Variants in GABRA2 observed in about 807,000 individuals in gnomAD.
GABRA2 encodes the protein gamma-aminobutyric acid receptor subunit alpha-2.
A neutral mutation model predicts 48.7 loss-of-function variants in GABRA2; 16 were observed. The ratio of observed to expected loss-of-function variants is 0.33; its 90% confidence interval spans 0.22 to 0.50. The LOEUF (loss-of-function observed/expected upper bound fraction) is 0.50, where lower values mean the gene tolerates loss of function less well. Among genes scored for constraint, GABRA2 ranks in the 20% least tolerant of loss-of-function variants. GABRA2 has a pLI of 0.98. For synonymous variants in GABRA2, 185 were observed against 184.5 expected (o/e 1.00, Z -0.02); for missense variants, 275 against 535.6 (o/e 0.51, Z 4.80).
rs114587272 is a variant in GABRA2, at chr4:46,344,061, T to C, written c.188-11379A>G. 8.7e-3 allele frequency among the ~76,000 whole-genome samples: 1,324 copies of C among 152,074 alleles called. 17 individuals are homozygous for C. The highest frequency in any genetic ancestry group is 0.03 in the African/African-American group (1,259 of 41,508). On this transcript the variant is annotated intron_variant, in intron 3 of 9. Transcript: ENST00000381620. ...TGCTAGCTATTACTAGTGTTACTAT[T>C]ATAATTGGAGTCCAAAAAGTAGATG...
rs544835369 is a variant in GABRA2, at chr4:46,251,679, T to C, written c.1060-1075A>G. Among the ~76,000 whole-genome samples, 22 of 151,584 alleles carry C rather than the reference T, an allele frequency of 1.5e-4. No homozygotes were observed. The South Asian group carries it at 4.4e-3, about 30-fold the overall frequency. On this transcript the variant is annotated intron_variant, in intron 9 of 9. Transcript: ENST00000381620. ...CTAAACATCTCTTTGCTCCCATATA[T>C]GCTCATTCATAACACTCTAATTTGT... is the stretch of plus-strand genomic sequence containing the variant.
At chr4:46,318,580 G>T (rs1248167363) in intron 4 of GABRA2, among the ~76,000 whole-genome samples, 1 of 151,450 alleles carries the variant, frequency 6.6e-6, no homozygotes, top group African/African-American at 2.4e-5. Context: ...AGACTTTCAT[G>T]AATATATACT....
intron 8 of GABRA2, among the ~76,000 whole-genome samples, chr4:46,278,619 G>T (rs967221545): frequency 2.6e-5 from 4 of 152,074 alleles, no homozygotes; most frequent in South Asian, 2.1e-4. Context: ...AAGTTGTAAA[G>T]AAATGTTCTT....
At chr4:46,310,725 A>G (rs1007298923) in intron 5 of GABRA2, among the ~76,000 whole-genome samples, 1 of 152,216 alleles carries the variant, frequency 6.6e-6, no homozygotes, top group Admixed American at 6.5e-5. Flanking sequence ...TGTATACTGC[A>G]TATATATTCA....
rs765591928 is a variant in GABRA2, at chr4:46,312,732, G to T, written c.256-16C>A. ...TTGTATATTCCTGAAATAAAAAATA[G>T]AATTTTTTTGAAAATAGTAAATGTT... On this transcript the variant is annotated splice_polypyrimidine_tract_variant and intron_variant, in intron 4 of 9. Transcript: ENST00000381620. 18 of 1,316,044 alleles carry T rather than the reference G, an allele frequency of 1.4e-5. No homozygotes were observed. Among genetic ancestry groups the T allele is most frequent in the South Asian group, 4.1e-5 (3 of 73,156 alleles). 81.5% of individuals were successfully genotyped at this position (1,316,044 alleles called of 1,614,324 possible). A position where few individuals can be genotyped will look rare whatever the true frequency, so the allele number is the denominator to read the frequency against.
intron 3 of GABRA2, among the ~76,000 whole-genome samples, chr4:46,380,382 C>A (rs1716598004): frequency 6.6e-6 from 1 of 152,048 alleles, no homozygotes; most frequent in Admixed American, 6.5e-5. Context: ...ATCCTGTATG[C>A]CCCAAGTTTA....
chr4:46,358,442 CAT>C (rs1175169961), intron 3 of GABRA2, among the ~76,000 whole-genome samples: 1 of 152,104 alleles, frequency 6.6e-6, no homozygotes, highest in African/African-American at 2.4e-5. Flanking sequence ...TATAGTATAA[CAT>C]ATTGTTAATT....
chr4:46,344,758 C>T (rs751775082), intron 3 of GABRA2, among the ~76,000 whole-genome samples: 18 of 151,588 alleles, frequency 1.2e-4, no homozygotes, highest in Non-Finnish European at 2.1e-4. Context: ...GAGTAAGGAG[C>T]GTATTTAAAC....
At chr4:46,382,512 C>T (rs186360505) in intron 3 of GABRA2, among the ~76,000 whole-genome samples, 38 of 152,098 alleles carry the variant, frequency 2.5e-4, no homozygotes, top group Admixed American at 9.8e-4. Flanking sequence ...TTGCAGGTCA[C>T]CACAAGAAAT....
chr4:46,291,766 T>C (rs1330464525), intron 8 of GABRA2, among the ~76,000 whole-genome samples: 2 of 135,040 alleles, frequency 1.5e-5, no homozygotes, highest in African/African-American at 2.7e-5. Context: ...ATACTATTAA[T>C]AAACACACAC....
At chr4:46,357,866 G>A (rs191006286) in intron 3 of GABRA2, among the ~76,000 whole-genome samples, 17 of 151,708 alleles carry the variant, frequency 1.1e-4, no homozygotes, top group Non-Finnish European at 1.9e-4. Flanking sequence ...TCACCATGTT[G>A]GCAGGATGGT....
Position 46,305,659 on chromosome 4 carries a change from A to T in GABRA2, c.612T>A (p.Asp204Glu). ...AGCCATCAGGAGCAACCTGTACTGA[A>T]TCAGATGCATTGTAAGTCCAAATAT... Reference protein sequence around the residue: ...VTYIWTYNASDSVQVAPDGSR... With the variant: ...VTYIWTYNASESVQVAPDGSR... The change falls in exon 7 of 10, where the codon GAT (aspartate) becomes GAA (glutamate). Residue 204 changes from aspartate to glutamate, a missense_variant. Around this residue, in one of 4 missense-constraint regions of GABRA2, gnomAD observed 113 missense variants for 257.1 expected, o/e 0.44. Transcript: ENST00000381620. 1.2e-6 allele frequency: 2 copies of T among 1,613,350 alleles called. No individual in the cohort carries two copies. The highest frequency in any genetic ancestry group is 1.7e-6 in the Non-Finnish European group (2 of 1,179,334).
At chr4:46,276,765 T>C (rs1720592837) in intron 8 of GABRA2, among the ~76,000 whole-genome samples, 1 of 152,164 alleles carries the variant, frequency 6.6e-6, no homozygotes, top group Non-Finnish European at 1.5e-5. Flanking sequence ...TGTTTTTGTC[T>C]GGAAAATGGG....
intron 3 of GABRA2, among the ~76,000 whole-genome samples, chr4:46,339,876 C>G (rs1025852907): frequency 6.6e-6 from 1 of 151,730 alleles, no homozygotes; most frequent in Non-Finnish European, 1.5e-5. Context: ...CTAGAACTTT[C>G]TTCCAAAATA....
At chr4:46,336,161 T>C (rs534261788) in intron 3 of GABRA2, among the ~76,000 whole-genome samples, 1 of 152,318 alleles carries the variant, frequency 6.6e-6, no homozygotes, top group Non-Finnish European at 1.5e-5. Context: ...TGCTGTATGT[T>C]TGAACAAATT....
intron 5 of GABRA2, among the ~76,000 whole-genome samples, chr4:46,311,029 G>A (rs534868522): frequency 6.6e-6 from 1 of 152,182 alleles, no homozygotes; most frequent in African/African-American, 2.4e-5. Context: ...ATTTGTTATG[G>A]CTTAAATTCT....
At chr4:46,377,007 G>T (rs1476545665) in intron 3 of GABRA2, among the ~76,000 whole-genome samples, 2 of 152,162 alleles carry the variant, frequency 1.3e-5, no homozygotes, top group African/African-American at 4.8e-5. Context: ...GAGGTGCCGG[G>T]ATTGCAGACG....
Position 46,247,797 on chromosome 4 carries a change from A to G in GABRA2, c.*2511T>C, listed in dbSNP as rs1236772248. Among the ~76,000 whole-genome samples, 1 of 151,316 alleles carries G rather than the reference A, an allele frequency of 6.6e-6. No individual in the cohort carries two copies. Among genetic ancestry groups the G allele is most frequent in the Non-Finnish European group, 1.5e-5 (1 of 67,494 alleles). On this transcript the variant is annotated 3_prime_UTR_variant, in exon 10 of 10. Transcript: ENST00000381620. ...GTTCTATAATTTAAAAGCAATTTCC[A>G]CGGAGCATCCCTAGTCTCCCCACAA...
At chr4:46,320,402 G>T (rs1729254772) in intron 4 of GABRA2, among the ~76,000 whole-genome samples, 2 of 151,766 alleles carry the variant, frequency 1.3e-5, no homozygotes, top group Admixed American at 1.3e-4. Context: ...CACTCCAAAA[G>T]CTCAGGCAAC....
Sources: gnomAD v4.1 joint callset for allele counts (sites outside exome capture counted in the v4.1 genomes callset) on GRCh38, gnomAD v4.1.1 for gene constraint, gnomAD v4.1.1 regional missense constraint, MANE v1.5 for transcripts, NCBI Gene and HGNC (gene_info 2026-07-23, HGNC 2026-07-21) for gene names.